Variants in GAS6 observed in about 807,000 individuals in gnomAD.
GAS6 encodes growth arrest specific 6.
In GAS6, 41 loss-of-function variants were observed where a neutral mutation model predicts 75.8. That is an observed-to-expected ratio of 0.54 (90% CI 0.42 to 0.70). The LOEUF is 0.70. GAS6 is among the 30% of genes least tolerant of loss of function. The probability of loss-of-function intolerance (pLI) is 0.00; values close to 1 mark genes in which losing one functional copy is unlikely to be tolerated. For missense variants in GAS6, 854 were observed against 940.2 expected (o/e 0.91, Z 1.20); for synonymous variants, 432 against 412.6 (o/e 1.05, Z -0.57).
intron 4 of GAS6, 46 bp from the exon 5 acceptor site, chr13:113,839,896 C>T (rs752024876): frequency 5.0e-6 from 8 of 1,612,176 alleles, no homozygotes; most frequent in African/African-American, 2.7e-5. Flanking sequence ...CTGCCCCACC[C>T]CTGCGCGCCC....
At chr13:113,841,805 C>A (rs1467292238) in intron 4 of GAS6, 1 of 122,970 alleles carries the variant, frequency 8.1e-6, no homozygotes, top group East Asian at 2.8e-4. Context: ...CCTCCATACG[C>A]CCCACAGTTT....
In GAS6 at chr13:113,823,159, G is replaced by A. The variant is rs192213747; in HGVS notation, c.1653+216C>T. On this transcript the variant is annotated intron_variant, in intron 13 of 14. Coordinates refer to ENST00000327773, the MANE Select transcript of GAS6 (RefSeq NM_000820.4). ...GAGCCGAGTGTGGCTCGCAGGCGCCGGCCCCCTCAGCTGTGTGGCGGTGAC... is the reference window on the plus strand; with the variant it reads ...GAGCCGAGTGTGGCTCGCAGGCGCCAGCCCCCTCAGCTGTGTGGCGGTGAC... The A allele has an allele frequency of 6.9e-4, 336 of 487,320 alleles. 1 individual carries two copies. The highest frequency in any genetic ancestry group is 5.9e-3 in the African/African-American group (302 of 50,808). The allele number at this position is 487,320 out of a possible 1,614,324, so 30.2% of individuals were successfully genotyped here. A position where few individuals can be genotyped will look rare whatever the true frequency, so the allele number is the denominator to read the frequency against.
chr13:113,856,297 G>A (rs142895400), intron 2 of GAS6, among the ~76,000 whole-genome samples: 44 of 152,296 alleles, frequency 2.9e-4, no homozygotes, highest in Non-Finnish European at 4.9e-4. Flanking sequence ...GTGCTGCCGC[G>A]TCCTGCTCTC....
intron 6 of GAS6, chr13:113,836,008 C>A: frequency 9.7e-7 from 1 of 1,035,788 alleles, no homozygotes. Context: ...AACTAAAACC[C>A]CAACCCCAAA....
At chr13:113,855,424 AG>A (rs2051906606) in intron 2 of GAS6, among the ~76,000 whole-genome samples, 1 of 152,206 alleles carries the variant, frequency 6.6e-6, no homozygotes, top group East Asian at 1.9e-4. Flanking sequence ...CTATGATCCC[AG>A]GACAAACACG....
At chr13:113,825,893 A>C (rs1453313643) in intron 12 of GAS6, among the ~76,000 whole-genome samples, 1 of 152,086 alleles carries the variant, frequency 6.6e-6, no homozygotes, top group African/African-American at 2.4e-5. Context: ...GATCCCCTTG[A>C]ACCTGGGGTT....
chr13:113,827,221 T>C, intron 11 of GAS6, 57 bp from the exon 12 acceptor site: 1 of 1,579,670 alleles, frequency 6.3e-7, no homozygotes. Flanking sequence ...CCATGCCGGA[T>C]GCCCCAGTCG....
At position 113,820,899 on chromosome 13, in the gene GAS6, G is replaced by A. The variant is rs1400467008; in HGVS notation, c.2002C>T (p.His668Tyr). The change falls in exon 15 of 15, where the codon CAC becomes TAC. Residue 668 changes from histidine to tyrosine, a missense_variant. By Grantham distance (83) the His-to-Tyr change is moderately conservative. Transcript: ENST00000327773. ...AAYKHSDITA[H>Y]SCPPVEPAAA ...GCGGGCTCCACGGGGGGGCAGGAGT[G>A]GGCCGTGATGTCGCTGTGCTTGTAC... 6.2e-7 allele frequency: 1 copy of A among 1,611,642 alleles called. No homozygotes were observed. Among genetic ancestry groups the A allele is most frequent in the African/African-American group, 1.3e-5 (1 of 74,906 alleles).
intron 11 of GAS6, among the ~76,000 whole-genome samples, chr13:113,827,753 G>A (rs2051569768): frequency 6.6e-6 from 1 of 152,176 alleles, no homozygotes; most frequent in Admixed American, 6.5e-5. Context: ...TGCCTGGTGT[G>A]GAAGTGAAAA....
At chr13:113,859,409 T>C (rs890123244) in intron 2 of GAS6, among the ~76,000 whole-genome samples, 17 of 148,522 alleles carry the variant, frequency 1.1e-4, no homozygotes, top group Non-Finnish European at 2.1e-4. Context: ...TCTGTTAGTA[T>C]GTGTGTGCCT....
chr13:113,839,718 C>T lies in GAS6; in HGVS notation c.466+10G>A, dbSNP rs576699323. 2.5e-6 allele frequency: 4 copies of T among 1,613,080 alleles called. No individual in the cohort carries two copies. The African/African-American group carries it at 5.3e-5, about 22-fold the overall frequency. ...AGGGAGACCCCGCCTTTGTCTTCAG[C>T]CTCACGTACCTTTGTCGCAGAGCCG... On this transcript the variant is annotated intron_variant, in intron 5 of 14. Coordinates refer to ENST00000327773, the MANE Select transcript of GAS6 (RefSeq NM_000820.4).
intron 2 of GAS6, among the ~76,000 whole-genome samples, chr13:113,858,111 T>G (rs12861645): frequency 0.45 from 68,860 of 152,182 alleles, 19,033 homozygotes; most frequent in African/African-American, 0.78. Flanking sequence ...CAGAGCCCCG[T>G]GACCTTGTGT....
intron 12 of GAS6, among the ~76,000 whole-genome samples, chr13:113,824,102 G>T (rs1202368932): frequency 5.2e-5 from 7 of 135,596 alleles, no homozygotes; most frequent in Non-Finnish European, 1.1e-4. Flanking sequence ...AGCACCCGCG[G>T]TCTGAGTTCT....
chr13:113,845,067 G>A lies in GAS6; in HGVS notation c.343+1460C>T, dbSNP rs33999512. On this transcript the variant is annotated intron_variant, in intron 4 of 14. Coordinates refer to ENST00000327773, the MANE Select transcript of GAS6 (RefSeq NM_000820.4). This position sits in a 1 kb window ranked among gnomAD's most constrained non-coding sequence, Gnocchi z 4.3. Reference sequence around the variant, plus strand: ...GGATCTGCTTGTCTCCTCTGAGCACGCAGGAGCCTCTGCCCCAAATGCAGA... The same window carrying A: ...GGATCTGCTTGTCTCCTCTGAGCACACAGGAGCCTCTGCCCCAAATGCAGA... 0.13 allele frequency: 19,734 copies of A among 150,616 alleles called. 1,874 individuals carry two copies. The highest frequency in any genetic ancestry group is 0.22 in the Middle Eastern group (64 of 292). 9.3% of individuals were successfully genotyped at this position (150,616 alleles called of 1,614,324 possible). A position where few individuals can be genotyped will look rare whatever the true frequency, so the allele number is the denominator to read the frequency against.
At chr13:113,849,019 A>C (rs991442319) in intron 2 of GAS6, among the ~76,000 whole-genome samples, 2 of 152,150 alleles carry the variant, frequency 1.3e-5, no homozygotes, top group African/African-American at 2.4e-5. Flanking sequence ...CTGGCTCTGC[A>C]TGGCCTTTCT....
chr13:113,824,681 G>T (rs2051511361), intron 12 of GAS6, among the ~76,000 whole-genome samples: 1 of 152,140 alleles, frequency 6.6e-6, no homozygotes, highest in Non-Finnish European at 1.5e-5. Flanking sequence ...AGAGTGAATT[G>T]TGCTGGTTTC....
At chr13:113,823,675 T>C in intron 12 of GAS6, 125 bp from the exon 13 acceptor site, 2 of 903,074 alleles carry the variant, frequency 2.2e-6, no homozygotes, top group Non-Finnish European at 3.3e-6. Flanking sequence ...GCCCCGGATC[T>C]GGGACGTGAT....
At chr13:113,851,526 T>C (rs1156512213) in intron 2 of GAS6, among the ~76,000 whole-genome samples, 5 of 151,602 alleles carry the variant, frequency 3.3e-5, no homozygotes, top group Non-Finnish European at 7.4e-5. Context: ...GGTGGGTGAA[T>C]GGATGAGTGA....
chr13:113,831,385 C>T (rs1042458030), intron 10 of GAS6, among the ~76,000 whole-genome samples: 2 of 152,162 alleles, frequency 1.3e-5, no homozygotes, highest in East Asian at 1.9e-4. Flanking sequence ...GGTGGGCGGG[C>T]GGCGCCTGGC....
Sources: allele counts gnomAD v4.1 joint callset (sites outside exome capture counted in the v4.1 genomes callset), GRCh38; gene constraint gnomAD v4.1.1; non-coding constraint Gnocchi (gnomAD v3.1); transcripts MANE v1.5; gene names NCBI Gene and HGNC (gene_info 2026-07-23, HGNC 2026-07-21).